Variants in DERPC observed in about 807,000 individuals in gnomAD.
DERPC encodes DERPC proline and glycine rich nuclear protein.
DERPC carries 1 observed loss-of-function variant against 7.2 expected under a neutral mutation model. That is an observed-to-expected ratio of 0.14 (90% CI 0.05 to 0.66). The LOEUF is 0.66. Ranked by LOEUF, DERPC falls within the 30% of genes least tolerant of loss-of-function variation. The pLI is 0.84. For synonymous variants in DERPC, 185 were observed against 117.6 expected, an observed-to-expected ratio of 1.57 and a Z score of -3.71; for missense variants, 502 against 299.4, an observed-to-expected ratio of 1.68 and a Z score of -4.99.
Position 69,120,500 on chromosome 16 carries a change from T to C in DERPC, c.-72A>G, listed in dbSNP as rs201305381. On this transcript the variant is annotated 5_prime_UTR_variant, in exon 3 of 3. Transcript: ENST00000519520. This position sits in a 1 kb window ranked among gnomAD's most constrained non-coding sequence, Gnocchi z 4.0. ...AAAGGATCTTGTCTTTGATGAGTGC[T>C]GTCACCAGGTACCGGGTGCCAGTCT... 2 of 1,614,030 alleles carry C rather than the reference T, an allele frequency of 1.2e-6. No individual in the cohort carries two copies. Among genetic ancestry groups the C allele is most frequent in the Non-Finnish European group, 1.7e-6 (2 of 1,180,028 alleles).
chr16:69,123,474 C>A (rs149952648), intron 1 of DERPC, among the ~76,000 whole-genome samples: 1 of 151,636 alleles, frequency 6.6e-6, no homozygotes, highest in Non-Finnish European at 1.5e-5. Flanking sequence ...CTGGCCAACA[C>A]GGTGAAACCC....
In DERPC at chr16:69,119,573, C is replaced by T. The variant is rs944427159; in HGVS notation, c.856G>A (p.Gly286Arg). ...TGTGAGAAAGAAGCTGAATTTGCTCCTAAAAGACCTGCTGCTCTTAGAATG... is the reference window on the plus strand; with the variant it reads ...TGTGAGAAAGAAGCTGAATTTGCTCTTAAAAGACCTGCTGCTCTTAGAATG... Reference protein sequence around the residue: ...APILRAAGLLGANSASFSQAS... With the variant: ...APILRAAGLLRANSASFSQAS... Residue 286 changes from glycine to arginine, a missense_variant, in exon 3 of 3, where the codon GGA becomes AGA. Coordinates refer to ENST00000519520, the MANE Select transcript of DERPC (RefSeq NM_001002847.4). 6 of 702,404 alleles carry T rather than the reference C, an allele frequency of 8.5e-6. No homozygotes were observed. The highest frequency in any genetic ancestry group is 1.6e-5 in the Non-Finnish European group (6 of 384,730). The allele number at this position is 702,404 out of a possible 1,614,324, so 43.5% of individuals were successfully genotyped here.
chr16:69,127,252 A>C (rs963825663), intron 1 of DERPC, among the ~76,000 whole-genome samples: 5 of 152,000 alleles, frequency 3.3e-5, no homozygotes, highest in African/African-American at 1.2e-4. Context: ...AAAAAAAAAA[A>C]AGCATATGAG....
rs1961553041 is a variant in DERPC, at chr16:69,120,376, G to T, written c.53C>A (p.Ala18Asp). ...PRERPTPWTR[A>D]PLPPRGRLDG... ...GAGCCGTCCTCGAGGTGGCAGCGGA[G>T]CACGAGTCCAAGGAGTTGGCCGCTC... Residue 18 changes from alanine to aspartate, a missense_variant, in exon 3 of 3, where the codon GCT becomes GAT. Transcript: ENST00000519520. This position sits in a 1 kb window ranked among gnomAD's most constrained non-coding sequence, Gnocchi z 4.0. 3 of 1,580,614 alleles carry T rather than the reference G, an allele frequency of 1.9e-6. No individual in the cohort carries two copies. In the Admixed American group the frequency reaches 5.0e-5, roughly 26 times the overall value.
Position 69,118,575 on chromosome 16 carries a change from G to C in DERPC, c.*279C>G, listed in dbSNP as rs1961351155. On this transcript the variant is annotated 3_prime_UTR_variant, in exon 3 of 3. Coordinates refer to ENST00000519520, the MANE Select transcript of DERPC (RefSeq NM_001002847.4). ...TTCAAGAAACTAGTAAGAAACAATG[G>C]GCAGAAAGCTGTGGGACGAAAGCAC... 2 of 753,340 alleles carry C rather than the reference G, an allele frequency of 2.7e-6. No individual in the cohort carries two copies. Among genetic ancestry groups the C allele is most frequent in the East Asian group, 5.3e-5 (2 of 37,704 alleles). 46.7% of individuals were successfully genotyped at this position (753,340 alleles called of 1,614,324 possible).
intron 1 of DERPC, among the ~76,000 whole-genome samples, chr16:69,123,454 C>T (rs989300405): frequency 6.6e-6 from 1 of 151,812 alleles, no homozygotes; most frequent in Admixed American, 6.6e-5. Context: ...GTCAGGAGTT[C>T]GAGACCACCC....
intron 1 of DERPC, among the ~76,000 whole-genome samples, chr16:69,127,625 T>TG (rs1567593600): frequency 6.9e-6 from 1 of 144,118 alleles, no homozygotes; most frequent in Non-Finnish European, 1.5e-5. Flanking sequence ...TTTTTTTTTT[T>TG]GTGAGACAGT....
chr16:69,122,946 T>C (rs1411661097), intron 1 of DERPC, among the ~76,000 whole-genome samples: 1 of 152,150 alleles, frequency 6.6e-6, no homozygotes, highest in Non-Finnish European at 1.5e-5. Flanking sequence ...CCCAAAGTGC[T>C]GGGATTACAG....
intron 1 of DERPC, among the ~76,000 whole-genome samples, chr16:69,127,446 AGAC>A (rs1367890059): frequency 6.6e-6 from 1 of 152,138 alleles, no homozygotes; most frequent in Non-Finnish European, 1.5e-5. Context: ...CAACACTGAA[AGAC>A]GACTAGAGCA....
At chr16:69,123,132 C>A (rs987364895) in intron 1 of DERPC, among the ~76,000 whole-genome samples, 1 of 152,258 alleles carries the variant, frequency 6.6e-6, no homozygotes, top group South Asian at 2.1e-4. Context: ...TCATAGCTCA[C>A]TGAGGCCTTT....
chr16:69,120,547 C>T lies in DERPC; in HGVS notation c.-119G>A, dbSNP rs1480386283. On this transcript the variant is annotated 5_prime_UTR_variant, in exon 3 of 3. Transcript: ENST00000519520. The surrounding 1 kb of genome is among the most constrained non-coding windows in gnomAD (Gnocchi z 4.0). Reference sequence around the variant, plus strand: ...GTCTCGCGGCCAAGCTCATCACAGTCCTGATCCCCAGGAGTGTGTTTGACA... The same window carrying T: ...GTCTCGCGGCCAAGCTCATCACAGTTCTGATCCCCAGGAGTGTGTTTGACA... The T allele has an allele frequency of 6.2e-7, 1 of 1,614,134 alleles. No individual in the cohort carries two copies. Among genetic ancestry groups the T allele is most frequent in the South Asian group, 1.1e-5 (1 of 91,082 alleles).
At chr16:69,121,637 C>A (rs184518841) in intron 1 of DERPC, 144 bp from the exon 2 acceptor site, 5 of 538,634 alleles carry the variant, frequency 9.3e-6, no homozygotes, top group Non-Finnish European at 1.7e-5. Flanking sequence ...ACCACTATGG[C>A]CAGCTAACTT....
chr16:69,132,476 G>T lies in DERPC; in HGVS notation c.-280+8C>A. 3 of 243,234 alleles carry T rather than the reference G, an allele frequency of 1.2e-5. No individual in the cohort carries two copies. The highest frequency in any genetic ancestry group is 1.2e-4 in the South Asian group (3 of 25,314). The allele number at this position is 243,234 out of a possible 1,614,324, so 15.1% of individuals were successfully genotyped here. A position where few individuals can be genotyped will look rare whatever the true frequency, so the allele number is the denominator to read the frequency against. On this transcript the variant is annotated splice_region_variant and intron_variant, in intron 1 of 2. Transcript: ENST00000519520. ...GCAGCCTCCCGTGCCCCCCGCCCGC[G>T]GCCTGACCTGCAATGGCGGCCGCCG...
Position 69,118,655 on chromosome 16 carries a change from C to T in DERPC, c.*199G>A. The T allele has an allele frequency of 1.4e-6, 1 of 694,068 alleles. No homozygotes were observed. The highest frequency in any genetic ancestry group is 2.6e-6 in the Non-Finnish European group (1 of 380,004). The allele number at this position is 694,068 out of a possible 1,614,324, so 43.0% of individuals were successfully genotyped here. A position where few individuals can be genotyped will look rare whatever the true frequency, so the allele number is the denominator to read the frequency against. ...TCTCTCAAGGGCAGGATTATTCCCA[C>T]CTGCCACAGTTCACATGCCACAAAT... On this transcript the variant is annotated 3_prime_UTR_variant, in exon 3 of 3. Transcript: ENST00000519520.
At chr16:69,127,036 C>T (rs942329188) in intron 1 of DERPC, among the ~76,000 whole-genome samples, 1 of 152,098 alleles carries the variant, frequency 6.6e-6, no homozygotes, top group African/African-American at 2.4e-5. Context: ...AACCTGAAGT[C>T]AGGAGTTTGA....
At chr16:69,125,976 G>T (rs777947860) in intron 1 of DERPC, among the ~76,000 whole-genome samples, 5 of 152,188 alleles carry the variant, frequency 3.3e-5, no homozygotes, top group Non-Finnish European at 7.3e-5. Flanking sequence ...AGTGAGATAA[G>T]AAAATCAGCA....
At position 69,119,724 on chromosome 16, in the gene DERPC, C is replaced by A; in HGVS notation, c.705G>T (p.Gly235=). Residue 235 remains glycine, a synonymous_variant, in exon 3 of 3, where the codon GGG becomes GGT. Transcript: ENST00000519520. ...RSGVFPGPGL[G]PNPRPSGLGP... ...CCAGGCCACTTGGTCTTGGGTTGGGCCCAAGGCCTGGGCCTGGAAACACAC... is the reference window on the plus strand; with the variant it reads ...CCAGGCCACTTGGTCTTGGGTTGGGACCAAGGCCTGGGCCTGGAAACACAC... The A allele has an allele frequency of 1.5e-6, 1 of 687,372 alleles. No individual in the cohort carries two copies. Among genetic ancestry groups the A allele is most frequent in the Non-Finnish European group, 2.7e-6 (1 of 375,110 alleles). 42.6% of individuals were successfully genotyped at this position (687,372 alleles called of 1,614,324 possible).
chr16:69,124,496 T>C (rs2152269366), intron 1 of DERPC, among the ~76,000 whole-genome samples: 1 of 152,156 alleles, frequency 6.6e-6, no homozygotes, highest in South Asian at 2.1e-4. Flanking sequence ...TGATCTCGGC[T>C]CACCACAACC....
chr16:69,123,942 A>C lies in DERPC; in HGVS notation c.-279-2449T>G, dbSNP rs200580055. On this transcript the variant is annotated intron_variant, in intron 1 of 2. Coordinates refer to ENST00000519520, the MANE Select transcript of DERPC (RefSeq NM_001002847.4). Reference sequence around the variant, plus strand: ...ATCTCTACTAAAAAAAAAAAAAAAAAAAAAACAAAAAATTAGCTGGGTGTG... The same window carrying C: ...ATCTCTACTAAAAAAAAAAAAAAAACAAAAACAAAAAATTAGCTGGGTGTG... Among the ~76,000 whole-genome samples, 246 of 146,780 alleles carry C rather than the reference A, an allele frequency of 1.7e-3. 1 individual carries two copies. The highest frequency in any genetic ancestry group is 2.7e-3 in the East Asian group (13 of 4,900).
Sources: allele counts gnomAD v4.1 joint callset (sites outside exome capture counted in the v4.1 genomes callset), GRCh38; gene constraint gnomAD v4.1.1; non-coding constraint Gnocchi (gnomAD v3.1); transcripts MANE v1.5; gene names NCBI Gene and HGNC (gene_info 2026-07-23, HGNC 2026-07-21).